Variants in SAMTOR observed in about 807,000 individuals in gnomAD.
The protein encoded by SAMTOR is UPF0532 protein C7orf60.
the SAMTOR span, among the ~76,000 whole-genome samples, chr7:112,916,154 C>T: frequency 6.6e-6 from 1 of 152,066 alleles, no homozygotes; most frequent in Non-Finnish European, 1.5e-5. Flanking sequence ...TAAAAAATGT[C>T]CTATATAAAA....
the SAMTOR span, among the ~76,000 whole-genome samples, chr7:112,853,131 T>C: frequency 6.6e-6 from 1 of 152,156 alleles, no homozygotes; most frequent in African/African-American, 2.4e-5. Context: ...GAAATGTTCA[T>C]TTATATTCCT....
the SAMTOR span, among the ~76,000 whole-genome samples, chr7:112,905,146 T>A: frequency 6.6e-6 from 1 of 152,170 alleles, no homozygotes; most frequent in African/African-American, 2.4e-5. Flanking sequence ...TCCTAAACCG[T>A]TTACTCTGCC....
chr7:112,895,758 T>C, the SAMTOR span: 2 of 1,480,610 alleles, frequency 1.4e-6, no homozygotes, highest in South Asian at 2.8e-5. Flanking sequence ...AAAAATAAAG[T>C]TGTATTTTAA....
the SAMTOR span, among the ~76,000 whole-genome samples, chr7:112,886,576 G>A: frequency 6.6e-6 from 1 of 152,124 alleles, no homozygotes; most frequent in African/African-American, 2.4e-5. Context: ...CTACCATACT[G>A]TCCTTCAAAA....
chr7:112,895,543 A>C, the SAMTOR span: 1 of 1,479,642 alleles, frequency 6.8e-7, no homozygotes, highest in Non-Finnish European at 9.2e-7. Context: ...TATCCAGGAT[A>C]ATCAAAGTAG....
At chr7:112,827,572 G>A in the SAMTOR span, among the ~76,000 whole-genome samples, 182 of 152,066 alleles carry the variant, frequency 1.2e-3, 1 homozygote, top group African/African-American at 4.2e-3. Context: ...CCAAATCCAC[G>A]TTCAAGTCCT....
the SAMTOR span, among the ~76,000 whole-genome samples, chr7:112,916,872 G>A: frequency 2.0e-5 from 3 of 152,210 alleles, no homozygotes; most frequent in Non-Finnish European, 4.4e-5. Flanking sequence ...AAACTGCAAG[G>A]CGGCAGCGAG....
At chr7:112,823,906 A>G in the SAMTOR span, among the ~76,000 whole-genome samples, 1 of 152,198 alleles carries the variant, frequency 6.6e-6, no homozygotes, top group Non-Finnish European at 1.5e-5. Context: ...GCATTTTCCT[A>G]ATGAGTTAGT....
the SAMTOR span, chr7:112,822,291 T>A: frequency 6.2e-7 from 1 of 1,613,154 alleles, no homozygotes; most frequent in Non-Finnish European, 8.5e-7. Context: ...TTTCAGCTGC[T>A]TCAAAAAAGC....
the SAMTOR span, among the ~76,000 whole-genome samples, chr7:112,902,467 A>AAAAAAAAAAAAAAG: frequency 6.7e-6 from 1 of 149,384 alleles, no homozygotes; most frequent in East Asian, 2.0e-4. Context: ...AAAACCAAAA[A>AAAAAAAAAAAAAAG]AGTTGGTGGT....
chr7:112,919,480 C>A, the SAMTOR span, among the ~76,000 whole-genome samples: 3 of 151,422 alleles, frequency 2.0e-5, no homozygotes, highest in African/African-American at 7.3e-5. Flanking sequence ...GCACTAAATG[C>A]CCACAAGAGA....
the SAMTOR span, among the ~76,000 whole-genome samples, chr7:112,909,103 A>G: frequency 8.5e-5 from 13 of 152,212 alleles, no homozygotes; most frequent in African/African-American, 3.1e-4. Context: ...AAAGACATGA[A>G]TATTAATCCT....
the SAMTOR span, among the ~76,000 whole-genome samples, chr7:112,922,898 C>T: frequency 9.0e-5 from 13 of 144,192 alleles, no homozygotes; most frequent in East Asian, 2.5e-3. Flanking sequence ...AGCCCCCCCC[C>T]CCCGGGCCAG....
At chr7:112,893,468 G>C in the SAMTOR span, among the ~76,000 whole-genome samples, 2 of 152,048 alleles carry the variant, frequency 1.3e-5, no homozygotes, top group African/African-American at 4.8e-5. Flanking sequence ...ACCTCTCTTA[G>C]CCTTCAATTG....
At chr7:112,830,327 G>C in the SAMTOR span, among the ~76,000 whole-genome samples, 1 of 152,060 alleles carries the variant, frequency 6.6e-6, no homozygotes, top group African/African-American at 2.4e-5. Flanking sequence ...TCCCATCTTG[G>C]CTGGAAGAGT....
At chr7:112,925,686 C>G in the SAMTOR span, among the ~76,000 whole-genome samples, 1 of 151,362 alleles carries the variant, frequency 6.6e-6, no homozygotes, top group Admixed American at 6.6e-5. Context: ...CCCAACTATT[C>G]GGGAGGCTGA....
At chr7:112,913,934 C>A in the SAMTOR span, among the ~76,000 whole-genome samples, 1 of 152,202 alleles carries the variant, frequency 6.6e-6, no homozygotes, top group Non-Finnish European at 1.5e-5. Flanking sequence ...ATTTAACCAA[C>A]ATATTGTTTC....
the SAMTOR span, among the ~76,000 whole-genome samples, chr7:112,828,547 C>A: frequency 6.6e-6 from 1 of 152,086 alleles, no homozygotes; most frequent in African/African-American, 2.4e-5. Flanking sequence ...AATTTGATTA[C>A]CTCTGTAAAG....
chr7:112,847,044 A>G, the SAMTOR span, among the ~76,000 whole-genome samples: 1 of 152,202 alleles, frequency 6.6e-6, no homozygotes. Context: ...GTAGTCCAAA[A>G]TAAATCATTC....
Sources: allele counts gnomAD v4.1 joint callset (sites outside exome capture counted in the v4.1 genomes callset), GRCh38; gene constraint gnomAD v4.1.1; transcripts MANE v1.5; gene names NCBI Gene and HGNC (gene_info 2026-07-23, HGNC 2026-07-21).